Variants in CLPTM1 observed in about 807,000 individuals in gnomAD.
The protein encoded by CLPTM1 is CLPTM1 regulator of GABA type A receptor forward trafficking, also known as putative lipid scramblase CLPTM1.
A neutral mutation model predicts 77.3 loss-of-function variants in CLPTM1; 21 were observed. That is an observed-to-expected ratio of 0.27 (90% CI 0.19 to 0.39). The LOEUF (loss-of-function observed/expected upper bound fraction) is 0.39, where lower values mean the gene tolerates loss of function less well. CLPTM1 is among the 10% of genes least tolerant of loss of function. The pLI is 1.00. For missense variants in CLPTM1, 642 were observed against 921.2 expected (o/e 0.70, Z 3.92); for synonymous variants, 373 against 381.0 (o/e 0.98, Z 0.24).
At chr19:44,956,805 A>C (rs956311908) in intron 1 of CLPTM1, among the ~76,000 whole-genome samples, 1 of 152,222 alleles carries the variant, frequency 6.6e-6, no homozygotes, top group African/African-American at 2.4e-5. Flanking sequence ...TCTGCTTAAA[A>C]ACAATCAAGA....
chr19:44,968,374 C>G (rs543823502), intron 2 of CLPTM1, among the ~76,000 whole-genome samples: 11 of 152,188 alleles, frequency 7.2e-5, no homozygotes, highest in Admixed American at 2.6e-4. Flanking sequence ...GGAGCAGGAA[C>G]TGGGTATATA....
chr19:44,992,905 T>C lies in CLPTM1; in HGVS notation c.*8T>C, dbSNP rs1971103535. Reference sequence around the variant, plus strand: ...GACAAGAAAAAGGATTAGTCGAGACTGGTCCTCACCTGCTCCGGCTCCTGG... The same window carrying C: ...GACAAGAAAAAGGATTAGTCGAGACCGGTCCTCACCTGCTCCGGCTCCTGG... On this transcript the variant is annotated 3_prime_UTR_variant, in exon 14 of 14. Transcript: ENST00000337392. This position sits in a 1 kb window ranked among gnomAD's most constrained non-coding sequence, Gnocchi z 7.7. 2.5e-6 allele frequency: 4 copies of C among 1,612,236 alleles called. No homozygotes were observed. The highest frequency in any genetic ancestry group is 3.4e-6 in the Non-Finnish European group (4 of 1,179,606).
intron 1 of CLPTM1, among the ~76,000 whole-genome samples, chr19:44,960,992 G>A (rs1970535255): frequency 6.6e-6 from 1 of 152,184 alleles, no homozygotes; most frequent in African/African-American, 2.4e-5. Flanking sequence ...CTGGCATTCA[G>A]AGAGTCTCTG....
intron 1 of CLPTM1, among the ~76,000 whole-genome samples, chr19:44,956,278 C>T (rs761447686): frequency 3.9e-5 from 6 of 152,216 alleles, no homozygotes; most frequent in Non-Finnish European, 4.4e-5. Context: ...AGCTGACTCT[C>T]TGTGTGACCT....
chr19:44,984,875 C>T (rs60876330), intron 5 of CLPTM1, among the ~76,000 whole-genome samples: 43,358 of 151,656 alleles, frequency 0.29, 6,523 homozygotes, highest in East Asian at 0.47. Flanking sequence ...TTATTAGAGA[C>T]GGGGGGTTTC....
chr19:44,992,375 G>A lies in CLPTM1; in HGVS notation c.1698G>A (p.Met566Ile). 6.2e-7 allele frequency: 1 copy of A among 1,614,148 alleles called. No homozygotes were observed. The highest frequency in any genetic ancestry group is 1.7e-5 in the Admixed American group (1 of 60,018). ...LFAFVIKMPV[M>I]YRIGCLRDDV... ...CCTTTGTCATCAAGATGCCCGTTAT[G>A]TACCGGATCGGCTGCCTGCGGGACG... Residue 566 changes from methionine to isoleucine, a missense_variant, in exon 13 of 14, where the codon ATG (methionine) becomes ATA (isoleucine). Physicochemically the swap from Met to Ile is conservative, Grantham distance 10. Around this residue, in one of 2 missense-constraint regions of CLPTM1, gnomAD observed 521 missense variants for 800.4 expected, o/e 0.65. Transcript: ENST00000337392. The surrounding 1 kb of genome is among the most constrained non-coding windows in gnomAD (Gnocchi z 7.7).
intron 1 of CLPTM1, among the ~76,000 whole-genome samples, 194 bp from the exon 2 acceptor site, chr19:44,961,769 A>C (rs1038805091): frequency 3.9e-5 from 6 of 152,232 alleles, no homozygotes; most frequent in Non-Finnish European, 7.3e-5. Context: ...CCTAGGTCAC[A>C]GAGGTGCTCT....
Position 44,988,143 on chromosome 19 carries a change from A to G in CLPTM1, c.1102A>G (p.Ser368Gly). Residue 368 changes from serine to glycine, a missense_variant, in exon 9 of 14, where the codon AGT becomes GGT. Coordinates refer to ENST00000337392, the MANE Select transcript of CLPTM1 (RefSeq NM_001294.4). ...ALTIIVSIVH[S>G]VFEFLAFKND... is the part of the protein sequence containing the mutation. ...CACCATCATCGTGTCTATCGTTCAC[A>G]GTGTCTTCGAGTTCCTGGCCTTCAA... 6.2e-7 allele frequency: 1 copy of G among 1,614,042 alleles called. No individual in the cohort carries two copies. Among genetic ancestry groups the G allele is most frequent in the Non-Finnish European group, 8.5e-7 (1 of 1,179,912 alleles).
rs745866590 is a variant in CLPTM1, at chr19:44,993,046, G to A, written c.*149G>A. 12 of 946,434 alleles carry A rather than the reference G, an allele frequency of 1.3e-5. No individual in the cohort carries two copies. Among genetic ancestry groups the A allele is most frequent in the East Asian group, 5.1e-5 (2 of 39,382 alleles). The allele number at this position is 946,434 out of a possible 1,614,324, so 58.6% of individuals were successfully genotyped here. ...CTCAGGTCAGGGCCCAGCGTGTGAT[G>A]TAGGGGCCGGGGCAGGCCAGGGTTT... On this transcript the variant is annotated 3_prime_UTR_variant, in exon 14 of 14. Coordinates refer to ENST00000337392, the MANE Select transcript of CLPTM1 (RefSeq NM_001294.4).
chr19:44,955,005 G>C (rs1439203508), upstream of CLPTM1: 6 of 1,535,702 alleles, frequency 3.9e-6, no homozygotes, highest in South Asian at 5.9e-5. Flanking sequence ...TAAAGCTCAA[G>C]AAACATGGAA....
At chr19:44,975,095 A>G (rs146390218) in intron 4 of CLPTM1, among the ~76,000 whole-genome samples, 2,509 of 152,328 alleles carry the variant, frequency 0.016, 38 homozygotes, top group Non-Finnish European at 0.027. Flanking sequence ...GCCACATCGC[A>G]TGAGAGATTC....
chr19:44,980,930 C>T (rs577110017), intron 5 of CLPTM1, among the ~76,000 whole-genome samples: 34 of 151,824 alleles, frequency 2.2e-4, no homozygotes, highest in African/African-American at 7.0e-4. Context: ...CTCTGCCTCC[C>T]GGGTTCACGC....
intron 2 of CLPTM1, among the ~76,000 whole-genome samples, chr19:44,963,300 T>A (rs958237040): frequency 6.8e-6 from 1 of 146,650 alleles, no homozygotes. Context: ...ACTTGAGCCT[T>A]GGAAATTTTT....
At chr19:44,979,763 T>C (rs932271661) in intron 5 of CLPTM1, among the ~76,000 whole-genome samples, 1 of 152,092 alleles carries the variant, frequency 6.6e-6, no homozygotes, top group Non-Finnish European at 1.5e-5. Flanking sequence ...GGTGAGATCT[T>C]TGGAGAACCA....
At chr19:44,956,022 G>C (rs1458841026) in intron 1 of CLPTM1, among the ~76,000 whole-genome samples, 3 of 152,198 alleles carry the variant, frequency 2.0e-5, no homozygotes, top group African/African-American at 4.8e-5. Context: ...TGCTGACACA[G>C]GGACTGGTAT....
chr19:44,973,562 G>A (rs1600025869), intron 3 of CLPTM1, among the ~76,000 whole-genome samples: 1 of 152,022 alleles, frequency 6.6e-6, no homozygotes, highest in African/African-American at 2.4e-5. Context: ...GGGGAGGGCA[G>A]GGAGCCAGCA....
intron 6 of CLPTM1, 99 bp from the exon 7 acceptor site, chr19:44,986,356 A>T: frequency 6.9e-7 from 1 of 1,450,970 alleles, no homozygotes; most frequent in Non-Finnish European, 9.3e-7. Flanking sequence ...AGCAAAGATT[A>T]AGATTTTCTC....
rs530302531 is a variant in CLPTM1, at chr19:44,979,460, G to T, written c.586+2000G>T. Among the ~76,000 whole-genome samples, 2 of 152,316 alleles carry T rather than the reference G, an allele frequency of 1.3e-5. 1 individual carries two copies. The highest frequency in any genetic ancestry group is 1.3e-4 in the Admixed American group (2 of 15,292). On this transcript the variant is annotated intron_variant, in intron 5 of 13. Transcript: ENST00000337392. ...TTTCACTTTATTGAGGACTATTCCA[G>T]ACATTCCCTGTGGATTTGGTTAAGA...
intron 3 of CLPTM1, among the ~76,000 whole-genome samples, chr19:44,973,761 G>GTTTTTTTTTTTTTTTT (rs71173113): frequency 1.1e-4 from 7 of 62,444 alleles, no homozygotes; most frequent in African/African-American, 2.7e-4. Context: ...GTCACAGTGG[G>GTTTTTTTTTTTTTTTT]TTTTTTTTTT....
Sources: gnomAD v4.1 joint callset for allele counts (sites outside exome capture counted in the v4.1 genomes callset) on GRCh38, gnomAD v4.1.1 for gene constraint, gnomAD v4.1.1 regional missense constraint, Gnocchi (gnomAD v3.1) non-coding constraint, MANE v1.5 for transcripts, NCBI Gene and HGNC (gene_info 2026-07-23, HGNC 2026-07-21) for gene names.